The following ATP8A2 variants were observed in gnomAD, a reference collection of about 807,000 sequenced individuals.
ATP8A2 encodes phospholipid-transporting ATPase IB.
A neutral mutation model predicts 165.6 loss-of-function variants in ATP8A2; 100 were observed. The observed-to-expected ratio is 0.60, with a 90% confidence interval of 0.51 to 0.71. The LOEUF is 0.71. Ranked by LOEUF, ATP8A2 falls within the 30% of genes least tolerant of loss-of-function variation. The pLI, the probability that ATP8A2 is intolerant of heterozygous loss-of-function variation, is 0.00. For missense variants in ATP8A2, 1,227 were observed against 1,479.5 expected, an observed-to-expected ratio of 0.83 and a Z score of 2.80; for synonymous variants, 543 against 548.8, an observed-to-expected ratio of 0.99 and a Z score of 0.15.
chr13:25,872,026 G>A (rs970837914), intron 33 of ATP8A2, among the ~76,000 whole-genome samples: 7 of 151,654 alleles, frequency 4.6e-5, no homozygotes, highest in East Asian at 3.9e-4. Context: ...GCCATCTTCC[G>A]CCTGCCCTGC....
At chr13:25,899,437 G>T (rs145989306) in intron 33 of ATP8A2, among the ~76,000 whole-genome samples, 1 of 152,294 alleles carries the variant, frequency 6.6e-6, no homozygotes, top group African/African-American at 2.4e-5. Context: ...AATGCATACG[G>T]GTGTCTGGTA....
At chr13:25,583,528 C>T (rs910412317) in intron 23 of ATP8A2, among the ~76,000 whole-genome samples, 1 of 152,100 alleles carries the variant, frequency 6.6e-6, no homozygotes, top group Non-Finnish European at 1.5e-5. Context: ...TTGGATGTGC[C>T]CTGGCTGGAA....
At chr13:25,834,998 G>GTT (rs1453484552) in intron 28 of ATP8A2, among the ~76,000 whole-genome samples, 1 of 151,752 alleles carries the variant, frequency 6.6e-6, no homozygotes, top group Non-Finnish European at 1.5e-5. Context: ...GTGTGTGTGT[G>GTT]TGTGTAGTAT....
intron 24 of ATP8A2, among the ~76,000 whole-genome samples, chr13:25,689,587 T>A (rs2042678853): frequency 6.6e-6 from 1 of 152,212 alleles, no homozygotes; most frequent in South Asian, 2.1e-4. Flanking sequence ...TTTGTTAAAG[T>A]TGAAAATGTT....
chr13:25,718,503 A>G (rs2138018416), intron 25 of ATP8A2, among the ~76,000 whole-genome samples: 1 of 152,236 alleles, frequency 6.6e-6, no homozygotes, highest in Non-Finnish European at 1.5e-5. Flanking sequence ...CAACACTGAG[A>G]GCCAGTAGGC....
intron 30 of ATP8A2, among the ~76,000 whole-genome samples, chr13:25,856,763 C>T (rs565216557): frequency 6.6e-6 from 1 of 152,110 alleles, no homozygotes. Context: ...CCCCTTCCTC[C>T]CCAGCCCCAG....
chr13:25,646,758 A>G (rs2041684643), intron 24 of ATP8A2, among the ~76,000 whole-genome samples: 1 of 152,018 alleles, frequency 6.6e-6, no homozygotes, highest in Admixed American at 6.6e-5. Context: ...TAGATAGGCA[A>G]GGACTTAGTA....
chr13:25,534,046 G>A, intron 6 of ATP8A2: 2 of 443,702 alleles, frequency 4.5e-6, no homozygotes, highest in Non-Finnish European at 9.1e-6. Context: ...ACTTGAAGTG[G>A]TTCTTCTTGC....
intron 30 of ATP8A2, among the ~76,000 whole-genome samples, chr13:25,844,450 C>T (rs1951814531): frequency 6.6e-6 from 1 of 152,096 alleles, no homozygotes; most frequent in Non-Finnish European, 1.5e-5. Flanking sequence ...AGGCTGGTCT[C>T]GAACTCCTGA....
chr13:25,609,167 C>CA lies in ATP8A2; in HGVS notation c.2211+19475dup, dbSNP rs558486186. Among the ~76,000 whole-genome samples the CA allele has an allele frequency of 2.8e-3, 419 of 150,646 alleles. 1 individual carries two copies. The highest frequency in any genetic ancestry group is 9.6e-3 in the African/African-American group (393 of 41,028). On this transcript the variant is annotated intron_variant, in intron 24 of 36. Coordinates refer to ENST00000381655, the MANE Select transcript of ATP8A2 (RefSeq NM_016529.6). ...CAACAAAACCAATAGTAAGATTCTT[C>CA]AAAAAAACTAATGAGATAGGCAACA...
chr13:25,949,881 C>A (rs934221735), intron 33 of ATP8A2, among the ~76,000 whole-genome samples: 2 of 152,128 alleles, frequency 1.3e-5, no homozygotes, highest in Admixed American at 1.3e-4. Context: ...TTCACTGCCG[C>A]CTCCGCCTCC....
intron 25 of ATP8A2, among the ~76,000 whole-genome samples, chr13:25,745,416 C>CTG (rs2044009915): frequency 6.6e-6 from 1 of 152,222 alleles, no homozygotes; most frequent in Non-Finnish European, 1.5e-5. Context: ...CCAGCCTAGA[C>CTG]TGTAAAGTCA....
rs150156725 is a variant in ATP8A2, at chr13:25,780,946, G to A, written c.2679+5987G>A. On this transcript the variant is annotated intron_variant, in intron 27 of 36. Coordinates refer to ENST00000381655, the MANE Select transcript of ATP8A2 (RefSeq NM_016529.6). The stretch of plus-strand genomic sequence containing the variant: ...GGGGTTGGGGATCCCTGTACTACAG[G>A]ATATGAGAAAAGGCCTTACTGGCAG... Among the ~76,000 whole-genome samples the A allele has an allele frequency of 2.0e-5, 3 of 152,242 alleles. No homozygotes were observed. In the East Asian group the frequency reaches 5.8e-4, roughly 29 times the overall value.
intron 27 of ATP8A2, among the ~76,000 whole-genome samples, chr13:25,800,309 A>C (rs1950595056): frequency 6.6e-6 from 1 of 152,254 alleles, no homozygotes; most frequent in African/African-American, 2.4e-5. Flanking sequence ...CAGTACCAGG[A>C]ACCTGTGCAG....
rs115600011 is a variant in ATP8A2 at position 25,739,894 on chromosome 13, T to C, written c.2385-29152T>C. 8.5e-3 allele frequency among the ~76,000 whole-genome samples: 1,289 copies of C among 152,230 alleles called. 24 individuals are homozygous for C. The highest frequency in any genetic ancestry group is 0.03 in the African/African-American group (1,238 of 41,522). ...AAAAAATAATGTAAAATGCAGAACC[T>C]AAGTGAACAGAAGAAATGTGCACCA... On this transcript the variant is annotated intron_variant, in intron 25 of 36. Transcript: ENST00000381655.
chr13:25,870,747 G>T (rs1952652444), intron 33 of ATP8A2, among the ~76,000 whole-genome samples: 1 of 152,080 alleles, frequency 6.6e-6, no homozygotes, highest in Non-Finnish European at 1.5e-5. Context: ...GATGAACCAG[G>T]TGTTTGAGAA....
At chr13:25,852,663 C>A (rs9511957) in intron 30 of ATP8A2, among the ~76,000 whole-genome samples, 2 of 152,028 alleles carry the variant, frequency 1.3e-5, no homozygotes, top group Non-Finnish European at 2.9e-5. Flanking sequence ...TTAATTAGTA[C>A]AAACTCTCAT....
rs547131104 is a variant in ATP8A2, at chr13:25,976,174, C to T, written c.3377+7495C>T. Among the ~76,000 whole-genome samples, 230 of 152,316 alleles carry T rather than the reference C, an allele frequency of 1.5e-3. 2 individuals are homozygous for T. The highest frequency in any genetic ancestry group is 0.014 in the Admixed American group (207 of 15,308). On this transcript the variant is annotated intron_variant, in intron 35 of 36. Coordinates refer to ENST00000381655, the MANE Select transcript of ATP8A2 (RefSeq NM_016529.6). ...TGACTTCTGGGCTCACTCCATCTTC[C>T]TGCCTCAGCCTCCCAAGTAGCTGGG... is the stretch of plus-strand genomic sequence containing the variant.
chr13:25,784,618 GT>G (rs1240199471), intron 27 of ATP8A2, among the ~76,000 whole-genome samples: 1 of 152,014 alleles, frequency 6.6e-6, no homozygotes, highest in Non-Finnish European at 1.5e-5. Context: ...GGTTTTGTTT[GT>G]TTTTTTAGAA....
Sources: allele counts gnomAD v4.1 joint callset (sites outside exome capture counted in the v4.1 genomes callset), GRCh38; gene constraint gnomAD v4.1.1; transcripts MANE v1.5; gene names NCBI Gene and HGNC (gene_info 2026-07-23, HGNC 2026-07-21).